Variants in DIS3L2 observed in about 807,000 individuals in gnomAD.
DIS3L2 encodes DIS3 like 3'-5' exoribonuclease 2.
A neutral mutation model predicts 97.5 loss-of-function variants in DIS3L2; 34 were observed. The ratio of observed to expected loss-of-function variants is 0.35; its 90% confidence interval spans 0.27 to 0.46. The LOEUF (loss-of-function observed/expected upper bound fraction) is 0.46, where lower values mean the gene tolerates loss of function less well. Among genes scored for constraint, DIS3L2 ranks in the 20% least tolerant of loss-of-function variants. DIS3L2 has a pLI of 1.00. For missense variants in DIS3L2, 1,038 were observed against 1,146.0 expected (o/e 0.91, Z 1.36); for synonymous variants, 435 against 445.2 (o/e 0.98, Z 0.29).
chr2:231,984,353 T>G (rs1308576098), intron 1 of DIS3L2, among the ~76,000 whole-genome samples: 1 of 151,224 alleles, frequency 6.6e-6, no homozygotes. Flanking sequence ...CAGGCTGGAG[T>G]GAGTGGCGTG....
intron 14 of DIS3L2, 28 bp from the exon 15 acceptor site, chr2:232,329,785 T>TGCCGGGGGGGCGG: frequency 2.1e-6 from 2 of 967,144 alleles, no homozygotes; most frequent in Non-Finnish European, 2.9e-6. Flanking sequence ...ACCCCAGCGG[T>TGCCGGGGGGGCGG]CCCTCCCATC....
In DIS3L2 at chr2:232,281,967, G is replaced by A. The variant is rs934815728; in HGVS notation, c.1660-18073G>A. ...GAAATCTAATTGGCAAGACCACGGT[G>A]AGCACACAGGCACTTAGGAGCAGCA... On this transcript the variant is annotated intron_variant, in intron 13 of 20. Transcript: ENST00000325385. This position sits in a 1 kb window ranked among gnomAD's most constrained non-coding sequence, Gnocchi z 4.1. Among the ~76,000 whole-genome samples the A allele has an allele frequency of 1.3e-5, 2 of 151,790 alleles. No individual in the cohort carries two copies. The highest frequency in any genetic ancestry group is 4.8e-5 in the African/African-American group (2 of 41,470).
At chr2:232,029,391 T>C (rs1694743893) in intron 4 of DIS3L2, among the ~76,000 whole-genome samples, 1 of 152,168 alleles carries the variant, frequency 6.6e-6, no homozygotes, top group African/African-American at 2.4e-5. Flanking sequence ...TGGCACCTAT[T>C]TAAGCCAAGA....
chr2:232,294,862 A>G (rs1694686117), intron 13 of DIS3L2, among the ~76,000 whole-genome samples: 2 of 152,134 alleles, frequency 1.3e-5, no homozygotes, highest in Admixed American at 1.3e-4. Context: ...GATGCTTAGG[A>G]CAGAGGACGT....
intron 5 of DIS3L2, among the ~76,000 whole-genome samples, chr2:232,075,944 A>G (rs1381093070): frequency 6.6e-6 from 1 of 152,206 alleles, no homozygotes; most frequent in East Asian, 1.9e-4. Flanking sequence ...CCCATTTTAA[A>G]GATAATGAAA....
chr2:232,293,426 C>A lies in DIS3L2; in HGVS notation c.1660-6614C>A, dbSNP rs756250248. On this transcript the variant is annotated intron_variant, in intron 13 of 20. Transcript: ENST00000325385. This position sits in a 1 kb window ranked among gnomAD's most constrained non-coding sequence, Gnocchi z 4.6. ...GGGGGAAATACCTCTGGCATTCCAG[C>A]GAAGGGGAAAACAAAAGATCAGGGC... Among the ~76,000 whole-genome samples, 19 of 152,108 alleles carry A rather than the reference C, an allele frequency of 1.2e-4. No individual in the cohort carries two copies. Among genetic ancestry groups the A allele is most frequent in the Non-Finnish European group, 1.8e-4 (12 of 68,020 alleles).
rs149875266 is a variant in DIS3L2 at position 232,130,786 on chromosome 2, C to T, written c.702+67C>T. ...CACCTGAGCTACTTGTTGAAGATCT[C>T]GTGTGATTCAGTCAGGACTGTATTT... On this transcript the variant is annotated intron_variant, in intron 7 of 20. Coordinates refer to ENST00000325385, the MANE Select transcript of DIS3L2 (RefSeq NM_152383.5). The T allele has an allele frequency of 5.7e-4, 901 of 1,586,842 alleles. 4 individuals carry two copies. The East Asian group carries it at 0.016, about 28-fold the overall frequency.
At chr2:232,003,064 G>A (rs1049777257) in intron 1 of DIS3L2, among the ~76,000 whole-genome samples, 1 of 152,170 alleles carries the variant, frequency 6.6e-6, no homozygotes, top group Non-Finnish European at 1.5e-5. Context: ...AAGTAAGCCA[G>A]GCTTACCCAG....
intron 1 of DIS3L2, among the ~76,000 whole-genome samples, chr2:232,000,847 A>G (rs1401509468): frequency 6.8e-6 from 1 of 147,822 alleles, no homozygotes. Flanking sequence ...GACTACAGGC[A>G]TGAGCCACTG....
At chr2:232,050,911 A>C (rs1050712262) in intron 5 of DIS3L2, among the ~76,000 whole-genome samples, 1 of 152,232 alleles carries the variant, frequency 6.6e-6, no homozygotes, top group Non-Finnish European at 1.5e-5. Context: ...ATGGAGTGGG[A>C]GACAATGGCT....
rs56039979 is a variant in DIS3L2 at position 232,226,280 on chromosome 2, G to A, written c.1205-12253G>A. 3.4e-3 allele frequency among the ~76,000 whole-genome samples: 517 copies of A among 152,306 alleles called. 5 individuals carry two copies. The highest frequency in any genetic ancestry group is 0.012 in the African/African-American group (493 of 41,560). On this transcript the variant is annotated intron_variant, in intron 10 of 20. Coordinates refer to ENST00000325385, the MANE Select transcript of DIS3L2 (RefSeq NM_152383.5). ...TCATAGTCAGCCTTAGGAAAAGGCT[G>A]CACCACCATATGGTCCTTTGGTATG...
intron 1 of DIS3L2, among the ~76,000 whole-genome samples, chr2:231,971,417 T>G (rs1366588121): frequency 6.6e-6 from 1 of 152,060 alleles, no homozygotes; most frequent in Non-Finnish European, 1.5e-5. Context: ...TAGCTGGGAC[T>G]ACAGGTGTGT....
chr2:231,986,801 T>C (rs1475412570), intron 1 of DIS3L2, among the ~76,000 whole-genome samples: 1 of 152,244 alleles, frequency 6.6e-6, no homozygotes, highest in East Asian at 1.9e-4. Flanking sequence ...CTCTACTGTC[T>C]TTCATTAATC....
At chr2:232,333,056 C>T (rs1695794152) in intron 16 of DIS3L2, among the ~76,000 whole-genome samples, 1 of 151,910 alleles carries the variant, frequency 6.6e-6, no homozygotes, top group Non-Finnish European at 1.5e-5. Context: ...CAGACAGCGT[C>T]TGCAGCCCCT....
At chr2:232,048,685 C>A (rs754775022) in intron 5 of DIS3L2, among the ~76,000 whole-genome samples, 1 of 151,502 alleles carries the variant, frequency 6.6e-6, no homozygotes, top group Non-Finnish European at 1.5e-5. Flanking sequence ...TGAGCCCAGA[C>A]GCGCCACTGC....
At chr2:232,094,795 T>C (rs1269154176) in intron 6 of DIS3L2, among the ~76,000 whole-genome samples, 1 of 151,964 alleles carries the variant, frequency 6.6e-6, no homozygotes, top group Non-Finnish European at 1.5e-5. Context: ...TCTCTCTCTT[T>C]AGCTCTAGTA....
intron 1 of DIS3L2, among the ~76,000 whole-genome samples, chr2:231,972,377 A>G (rs1692945335): frequency 6.6e-6 from 1 of 152,106 alleles, no homozygotes; most frequent in Admixed American, 6.5e-5. Flanking sequence ...ACCAGCATCA[A>G]CACAAACACA....
At chr2:231,969,534 C>G (rs747873728) in intron 1 of DIS3L2, among the ~76,000 whole-genome samples, 26 of 152,120 alleles carry the variant, frequency 1.7e-4, no homozygotes, top group Non-Finnish European at 3.1e-4. Context: ...CAGCGTCAAA[C>G]TCCTGATCTC....
At chr2:232,125,031 C>T (rs1424161191) in intron 6 of DIS3L2, among the ~76,000 whole-genome samples, 1 of 152,194 alleles carries the variant, frequency 6.6e-6, no homozygotes, top group East Asian at 1.9e-4. Context: ...CTCATTTATA[C>T]ACACACGGCT....
Sources: gnomAD v4.1 joint callset for allele counts (sites outside exome capture counted in the v4.1 genomes callset) on GRCh38, gnomAD v4.1.1 for gene constraint, Gnocchi (gnomAD v3.1) non-coding constraint, MANE v1.5 for transcripts, NCBI Gene and HGNC (gene_info 2026-07-23, HGNC 2026-07-21) for gene names.